The following GAN variants were observed in gnomAD, a reference collection of about 807,000 sequenced individuals.
GAN encodes the protein gigaxonin, also known as epididymis secretory sperm binding protein.
Under a neutral mutation model 71.3 loss-of-function variants are expected in GAN, and 48 were observed. The observed-to-expected ratio is 0.67, with a 90% CI of 0.53 to 0.86. The LOEUF (loss-of-function observed/expected upper bound fraction) is 0.86, where lower values mean the gene tolerates loss of function less well. Among genes scored for constraint, GAN ranks in the 40% least tolerant of loss-of-function variants. The probability of loss-of-function intolerance (pLI) is 0.00; values close to 1 mark genes in which losing one functional copy is unlikely to be tolerated. For missense variants in GAN, 928 were observed against 770.1 expected, an observed-to-expected ratio of 1.21 and a Z score of -2.43; for synonymous variants, 386 against 276.8, an observed-to-expected ratio of 1.39 and a Z score of -3.92.
chr16:81,353,220 G>GA (rs1250478932), intron 2 of GAN, among the ~76,000 whole-genome samples: 1 of 151,564 alleles, frequency 6.6e-6, no homozygotes, highest in Non-Finnish European at 1.5e-5. Context: ...GAACCCCAGG[G>GA]GGCGGAGCCT....
At chr16:81,331,545 A>T (rs1909577207) in intron 1 of GAN, among the ~76,000 whole-genome samples, 2 of 152,212 alleles carry the variant, frequency 1.3e-5, no homozygotes, top group Non-Finnish European at 2.9e-5. Flanking sequence ...AGTAGGTGAA[A>T]AAAAGAAAAC....
intron 1 of GAN, among the ~76,000 whole-genome samples, chr16:81,317,848 C>T (rs1048743420): frequency 9.2e-5 from 14 of 152,016 alleles, no homozygotes; most frequent in African/African-American, 3.1e-4. Flanking sequence ...TTTCAATCAT[C>T]TTTAAAGAGA....
chr16:81,389,618 A>T lies in GAN; in HGVS notation c.*12022A>T, dbSNP rs1396203004. The T allele has an allele frequency of 6.6e-6, 1 of 152,252 alleles. No individual in the cohort carries two copies. The highest frequency in any genetic ancestry group is 1.5e-5 in the Non-Finnish European group (1 of 68,040). 9.4% of individuals were successfully genotyped at this position (152,252 alleles called of 1,614,324 possible). On this transcript the variant is annotated 3_prime_UTR_variant, in exon 11 of 11. Transcript: ENST00000648994. ...ACCTATCTGTGAGTGAGACCCATTC[A>T]TGACACACTAGAAATGTGTACATTC...
chr16:81,362,634 T>G (rs201020426), intron 6 of GAN, 23 bp downstream of exon 6: 73 of 1,119,134 alleles, frequency 6.5e-5, no homozygotes, highest in East Asian at 6.1e-4. Context: ...TTGGTTGGTT[T>G]GTTTGATGTG....
At position 81,387,216 on chromosome 16, in the gene GAN, G is replaced by A. The variant is rs1297263697; in HGVS notation, c.*9620G>A. 2.0e-5 allele frequency: 3 copies of A among 152,148 alleles called. No individual in the cohort carries two copies. The highest frequency in any genetic ancestry group is 4.4e-5 in the Non-Finnish European group (3 of 68,038). 9.4% of individuals were successfully genotyped at this position (152,148 alleles called of 1,614,324 possible). ...GGCTAAATGTAAAGTCTTACGTCTC[G>A]GTTCAAGAAAGCACGTTGCTATATG... On this transcript the variant is annotated 3_prime_UTR_variant, in exon 11 of 11. Coordinates refer to ENST00000648994, the MANE Select transcript of GAN (RefSeq NM_022041.4).
rs1231430386 is a variant in GAN, at chr16:81,386,992, C to T, written c.*9396C>T. 1 of 152,208 alleles carries T rather than the reference C, an allele frequency of 6.6e-6. No individual in the cohort carries two copies. The highest frequency in any genetic ancestry group is 1.5e-5 in the Non-Finnish European group (1 of 68,048). 9.4% of individuals were successfully genotyped at this position (152,208 alleles called of 1,614,324 possible). On this transcript the variant is annotated 3_prime_UTR_variant, in exon 11 of 11. Transcript: ENST00000648994. ...AGTAGAAGTAGGATTTAACAAAGGA[C>T]CGAGAAGTCGGCTGAATAGCCAGGT...
rs924208912 is a variant in GAN at position 81,380,232 on chromosome 16, A to T, written c.*2636A>T. 4.6e-5 allele frequency: 7 copies of T among 152,590 alleles called. No homozygotes were observed. Among genetic ancestry groups the T allele is most frequent in the African/African-American group, 1.7e-4 (7 of 41,442 alleles). 9.5% of individuals were successfully genotyped at this position (152,590 alleles called of 1,614,324 possible). On this transcript the variant is annotated 3_prime_UTR_variant, in exon 11 of 11. Coordinates refer to ENST00000648994, the MANE Select transcript of GAN (RefSeq NM_022041.4). ...TTATGCCTTGAAACATCATTTCTTG[A>T]TAACTTTTTGATACTTCTTTCTTGA... is the stretch of plus-strand genomic sequence containing the variant.
chr16:81,356,899 A>T lies in GAN; in HGVS notation c.748A>T (p.Asn250Tyr). The T allele has an allele frequency of 6.2e-7, 1 of 1,613,924 alleles. No homozygotes were observed. The highest frequency in any genetic ancestry group is 8.5e-7 in the Non-Finnish European group (1 of 1,179,826). ...LVREIVKECSNIPLSQPQQGE... is the reference protein window; with the variant it reads ...LVREIVKECSYIPLSQPQQGE... The stretch of plus-strand genomic sequence containing the variant: ...ACGAGAAATTGTCAAAGAGTGTAGC[A>T]ATATACCGCTCAGCCAGCCGCAGCA... Residue 250 changes from asparagine to tyrosine, a missense_variant, in exon 4 of 11, where the codon AAT (asparagine) becomes TAT (tyrosine). Asn to Tyr is a moderately radical substitution (Grantham distance 143). Coordinates refer to ENST00000648994, the MANE Select transcript of GAN (RefSeq NM_022041.4).
chr16:81,386,179 C>A lies in GAN; in HGVS notation c.*8583C>A, dbSNP rs1240290108. Reference sequence around the variant, plus strand: ...AATACTTAGAGTTTGTTATAAATAACCCTCTGTTTAGAATTTGCCCAGTGA... The same window carrying A: ...AATACTTAGAGTTTGTTATAAATAAACCTCTGTTTAGAATTTGCCCAGTGA... On this transcript the variant is annotated 3_prime_UTR_variant, in exon 11 of 11. Transcript: ENST00000648994. The A allele has an allele frequency of 1.3e-5, 2 of 152,256 alleles. No individual in the cohort carries two copies. The highest frequency in any genetic ancestry group is 1.5e-5 in the Non-Finnish European group (1 of 68,018). 9.4% of individuals were successfully genotyped at this position (152,256 alleles called of 1,614,324 possible).
chr16:81,376,232 A>C (rs1353028916), intron 9 of GAN, among the ~76,000 whole-genome samples: 1 of 152,008 alleles, frequency 6.6e-6, no homozygotes, highest in South Asian at 2.1e-4. Context: ...ATAGCCCAGC[A>C]ATTTCATAAG....
At chr16:81,365,164 G>C (rs1910810501) in intron 8 of GAN, 54 bp downstream of exon 8, 3 of 1,592,808 alleles carry the variant, frequency 1.9e-6, no homozygotes, top group Non-Finnish European at 2.6e-6. Context: ...ACTGGGTCTG[G>C]AGCCCCTTAC....
At chr16:81,327,636 C>G (rs977573676) in intron 1 of GAN, among the ~76,000 whole-genome samples, 1 of 150,170 alleles carries the variant, frequency 6.7e-6, no homozygotes, top group Non-Finnish European at 1.5e-5. Flanking sequence ...TTGTAACTCT[C>G]TACATTGGGA....
At chr16:81,355,368 T>G (rs1910451578) in intron 3 of GAN, among the ~76,000 whole-genome samples, 1 of 152,164 alleles carries the variant, frequency 6.6e-6, no homozygotes, top group Non-Finnish European at 1.5e-5. Flanking sequence ...TTGAGGGTTT[T>G]GAGGGGGCAG....
At chr16:81,366,628 T>C (rs1406790718) in intron 9 of GAN, among the ~76,000 whole-genome samples, 2 of 152,214 alleles carry the variant, frequency 1.3e-5, no homozygotes, top group African/African-American at 4.8e-5. Flanking sequence ...AAATGCTGCC[T>C]AACATGTATT....
Position 81,364,979 on chromosome 16 carries a change from C to T in GAN, c.1242C>T (p.Gly414=). 6.2e-7 allele frequency: 1 copy of T among 1,614,060 alleles called. No individual in the cohort carries two copies. The highest frequency in any genetic ancestry group is 8.5e-7 in the Non-Finnish European group (1 of 1,179,936). Residue 414 remains glycine, a synonymous_variant, in exon 8 of 11, where the codon GGC becomes GGT. Transcript: ENST00000648994. The part of the protein sequence containing the change: ...QPDLTMVRKI[G]CYAAMKKKIY... ...CCATTGTTCTCTGCTTTCAGATCGG[C>T]TGCTATGCAGCTATGAAAAAGAAAA...
intron 1 of GAN, among the ~76,000 whole-genome samples, chr16:81,338,027 G>A (rs953744471): frequency 6.6e-6 from 1 of 152,216 alleles, no homozygotes; most frequent in Admixed American, 6.5e-5. Flanking sequence ...AGGGATGGAA[G>A]AGATTGCAAA....
intron 1 of GAN, among the ~76,000 whole-genome samples, chr16:81,321,478 G>A (rs918089809): frequency 6.6e-6 from 1 of 152,180 alleles, no homozygotes; most frequent in Non-Finnish European, 1.5e-5. Flanking sequence ...TAGGATTGAA[G>A]TAAAATGCTC....
At chr16:81,332,829 A>G (rs1024592686) in intron 1 of GAN, among the ~76,000 whole-genome samples, 4 of 152,194 alleles carry the variant, frequency 2.6e-5, no homozygotes, top group Non-Finnish European at 5.9e-5. Context: ...CATTTTTGGC[A>G]AGAACCCCAT....
rs1908986160 is a variant in GAN at position 81,315,150 on chromosome 16, G to C, written c.37G>C (p.Ala13Pro). The change falls in exon 1 of 11, where the codon GCC becomes CCC. Residue 13 changes from alanine to proline, a missense_variant. Transcript: ENST00000648994. ...CAGTGCCGTGTCTGACCCTCAGCAC[G>C]CCGCGCGTCTGCTGCGAGCGCTCAG... is the stretch of plus-strand genomic sequence containing the variant. Reference protein sequence around the residue: ...EGSAVSDPQHAARLLRALSSF... With the variant: ...EGSAVSDPQHPARLLRALSSF... The C allele has an allele frequency of 1.9e-6, 3 of 1,545,610 alleles. No individual in the cohort carries two copies. The East Asian group carries it at 7.8e-5, about 40-fold the overall frequency.
Sources: gnomAD v4.1 joint callset for allele counts (sites outside exome capture counted in the v4.1 genomes callset) on GRCh38, gnomAD v4.1.1 for gene constraint, MANE v1.5 for transcripts, NCBI Gene and HGNC (gene_info 2026-07-23, HGNC 2026-07-21) for gene names.